The following LRMDA variants were observed in gnomAD, a reference collection of about 807,000 sequenced individuals.
The protein encoded by LRMDA is leucine rich melanocyte differentiation associated.
In LRMDA, 18 loss-of-function variants were observed where a neutral mutation model predicts 29.8. The observed-to-expected ratio is 0.60, with a 90% CI of 0.42 to 0.90. The LOEUF is 0.90. Ranked by LOEUF, LRMDA falls within the 40% of genes least tolerant of loss-of-function variation. The pLI, the probability that LRMDA is intolerant of heterozygous loss-of-function variation, is 0.00. For synonymous variants in LRMDA, 125 were observed against 109.4 expected, an observed-to-expected ratio of 1.14 and a Z score of -0.89; for missense variants, 273 against 273.9, an observed-to-expected ratio of 1.00 and a Z score of 0.02.
intron 2 of LRMDA, among the ~76,000 whole-genome samples, chr10:75,621,430 C>T (rs1841185043): frequency 1.3e-5 from 2 of 152,194 alleles, no homozygotes; most frequent in South Asian, 4.1e-4. Context: ...ATGCAGTGCT[C>T]AGCACAGAGT....
intron 5 of LRMDA, among the ~76,000 whole-genome samples, chr10:76,319,541 C>T (rs956589951): frequency 6.6e-6 from 1 of 151,904 alleles, no homozygotes; most frequent in African/African-American, 2.4e-5. Context: ...TTTTTTATGA[C>T]CCAGCAATGC....
intron 2 of LRMDA, among the ~76,000 whole-genome samples, chr10:75,885,395 C>G (rs946871635): frequency 3.3e-5 from 5 of 152,282 alleles, no homozygotes; most frequent in East Asian, 3.9e-4. Flanking sequence ...TTTGGGCAAG[C>G]CTCTTCACTT....
rs530093094 is a variant in LRMDA, at chr10:75,782,467, T to C, written c.132-253541T>C. ...CCTCTTTAGCAGATGGGATGGAATA[T>C]TTCTGTTTTGTTTTTTATGGGTGAT... On this transcript the variant is annotated intron_variant, in intron 2 of 6. Coordinates refer to ENST00000611255, the MANE Select transcript of LRMDA (RefSeq NM_001305581.2). Among the ~76,000 whole-genome samples the C allele has an allele frequency of 1.8e-4, 27 of 152,298 alleles. No homozygotes were observed. In the South Asian group the frequency reaches 5.2e-3, roughly 29 times the overall value.
intron 2 of LRMDA, among the ~76,000 whole-genome samples, chr10:75,672,020 CTATTTCTT>C (rs1213534964): frequency 1.3e-5 from 2 of 152,182 alleles, no homozygotes; most frequent in Non-Finnish European, 2.9e-5. Flanking sequence ...CTAACTTACT[CTATTTCTT>C]TATGGGTTTG....
In LRMDA at chr10:75,663,406, C is replaced by T. The variant is rs117143253; in HGVS notation, c.131+224912C>T. On this transcript the variant is annotated intron_variant, in intron 2 of 6. Coordinates refer to ENST00000611255, the MANE Select transcript of LRMDA (RefSeq NM_001305581.2). Reference sequence around the variant, plus strand: ...TAATTTAACCAGTCTGAGGTGGGAGCCTGGGAAATCTGTAGTTTCTAAAGC... The same window carrying T: ...TAATTTAACCAGTCTGAGGTGGGAGTCTGGGAAATCTGTAGTTTCTAAAGC... Among the ~76,000 whole-genome samples, 442 of 152,270 alleles carry T rather than the reference C, an allele frequency of 2.9e-3. 1 individual carries two copies. Among genetic ancestry groups the T allele is most frequent in the Non-Finnish European group, 4.9e-3 (336 of 68,014 alleles).
chr10:75,480,529 C>T (rs1311099847), intron 2 of LRMDA, among the ~76,000 whole-genome samples: 10 of 152,222 alleles, frequency 6.6e-5, no homozygotes, highest in Non-Finnish European at 1.3e-4. Flanking sequence ...AAGAGTGATT[C>T]AGGCAGAGGG....
chr10:75,752,034 AAT>A (rs372192307), intron 2 of LRMDA, among the ~76,000 whole-genome samples: 37 of 148,678 alleles, frequency 2.5e-4, no homozygotes, highest in South Asian at 4.2e-4. Flanking sequence ...AAAATAAATA[AAT>A]ATATATATAT....
At chr10:76,313,741 G>T (rs1840657999) in intron 5 of LRMDA, among the ~76,000 whole-genome samples, 1 of 152,068 alleles carries the variant, frequency 6.6e-6, no homozygotes, top group Non-Finnish European at 1.5e-5. Context: ...TATAAATGAT[G>T]TGTAGAACAC....
At chr10:76,389,752 G>A (rs1006546182) in intron 6 of LRMDA, among the ~76,000 whole-genome samples, 16 of 151,908 alleles carry the variant, frequency 1.1e-4, no homozygotes, top group African/African-American at 2.7e-4. Context: ...TACTTATTTC[G>A]CTTAGCATAA....
chr10:76,003,234 G>T (rs1309144027), intron 2 of LRMDA, among the ~76,000 whole-genome samples: 4 of 152,152 alleles, frequency 2.6e-5, no homozygotes, highest in Non-Finnish European at 5.9e-5. Flanking sequence ...CATTAGACGG[G>T]ATTGGTGGGT....
intron 2 of LRMDA, among the ~76,000 whole-genome samples, chr10:75,985,014 T>A (rs1452273012): frequency 6.6e-6 from 1 of 152,216 alleles, no homozygotes; most frequent in Admixed American, 6.5e-5. Flanking sequence ...TATGAACTTA[T>A]CTGTGGCTGA....
intron 2 of LRMDA, among the ~76,000 whole-genome samples, chr10:75,818,772 G>A (rs112998555): frequency 5.3e-5 from 8 of 152,190 alleles, no homozygotes; most frequent in African/African-American, 1.9e-4. Context: ...CCCACCCCTG[G>A]GAGGGATCTT....
intron 5 of LRMDA, among the ~76,000 whole-genome samples, chr10:76,204,670 G>A (rs1280579946): frequency 2.0e-5 from 3 of 152,162 alleles, no homozygotes; most frequent in Admixed American, 1.3e-4. Flanking sequence ...CACTTCTTTT[G>A]TGCCTCTTCT....
At chr10:75,876,521 C>A (rs1173675132) in intron 2 of LRMDA, among the ~76,000 whole-genome samples, 1 of 152,130 alleles carries the variant, frequency 6.6e-6, no homozygotes, top group Non-Finnish European at 1.5e-5. Context: ...ACACAAAACC[C>A]CGACAAACAC....
chr10:75,714,216 T>C (rs181606054), intron 2 of LRMDA, among the ~76,000 whole-genome samples: 14 of 152,298 alleles, frequency 9.2e-5, no homozygotes, highest in African/African-American at 2.9e-4. Flanking sequence ...AGTTATCTAT[T>C]GCATGGAGCT....
chr10:76,172,090 A>AGGGG (rs1232792839), intron 5 of LRMDA, among the ~76,000 whole-genome samples: 2 of 152,134 alleles, frequency 1.3e-5, no homozygotes, highest in African/African-American at 4.8e-5. Context: ...ACGGCTCTCA[A>AGGGG]GGGGACTAAT....
At chr10:75,677,816 C>T (rs555477028) in intron 2 of LRMDA, among the ~76,000 whole-genome samples, 1 of 152,144 alleles carries the variant, frequency 6.6e-6, no homozygotes, top group African/African-American at 2.4e-5. Flanking sequence ...AATTGGACCA[C>T]CCATCCCTAT....
chr10:75,438,518 G>T, intron 2 of LRMDA, 24 bp downstream of exon 2: 1 of 1,540,066 alleles, frequency 6.5e-7, no homozygotes, highest in Non-Finnish European at 8.8e-7. Context: ...ACAAGATGTA[G>T]GCCAGGCCTG....
rs1334446384 is a variant in LRMDA, at chr10:76,464,111, G to T, written c.602-93098G>T. Among the ~76,000 whole-genome samples, 3 of 151,786 alleles carry T rather than the reference G, an allele frequency of 2.0e-5. No homozygotes were observed. In the East Asian group the frequency reaches 5.8e-4, roughly 29 times the overall value. On this transcript the variant is annotated intron_variant, in intron 6 of 6. Coordinates refer to ENST00000611255, the MANE Select transcript of LRMDA (RefSeq NM_001305581.2). The stretch of plus-strand genomic sequence containing the variant: ...ATTTTGTATTTTTAGTAGAGACAGG[G>T]TTTCTCCATGTTGATCAGGGTGGTC...
Sources: gnomAD v4.1 joint callset for allele counts (sites outside exome capture counted in the v4.1 genomes callset) on GRCh38, gnomAD v4.1.1 for gene constraint, MANE v1.5 for transcripts, NCBI Gene and HGNC (gene_info 2026-07-23, HGNC 2026-07-21) for gene names.